Variants in CC2D1A observed in about 807,000 individuals in gnomAD.
The protein encoded by CC2D1A is coiled-coil and C2 domain containing 1A.
CC2D1A carries 68 observed loss-of-function variants against 123.8 expected under a neutral mutation model. The observed-to-expected ratio is 0.55, with a 90% CI of 0.45 to 0.67. The LOEUF is 0.67. Ranked by LOEUF, CC2D1A falls within the 30% of genes least tolerant of loss-of-function variation. CC2D1A has a pLI of 0.00. For missense variants in CC2D1A, 1,185 were observed against 1,290.3 expected (o/e 0.92, Z 1.25); for synonymous variants, 477 against 528.0 (o/e 0.90, Z 1.32).
intron 17 of CC2D1A, among the ~76,000 whole-genome samples, chr19:13,925,932 AAATATAT>A (rs1971579752): frequency 1.9e-5 from 2 of 103,328 alleles, no homozygotes; most frequent in Admixed American, 9.7e-5. Context: ...AAAAAAAAAA[AAATATAT>A]ATATATATAT....
intron 22 of CC2D1A, 123 bp downstream of exon 22, chr19:13,927,388 G>A: frequency 2.7e-6 from 2 of 747,158 alleles, no homozygotes; most frequent in South Asian, 1.6e-5. Context: ...TCCCCTCAGA[G>A]CCTCAGACCT....
At chr19:13,908,217 G>C (rs1209347086) in intron 1 of CC2D1A, among the ~76,000 whole-genome samples, 1 of 152,092 alleles carries the variant, frequency 6.6e-6, no homozygotes, top group Non-Finnish European at 1.5e-5. Context: ...TGTTGGTCAG[G>C]CTGGTCTGTC....
chr19:13,914,106 G>C (rs574964294), intron 6 of CC2D1A, among the ~76,000 whole-genome samples: 1 of 151,964 alleles, frequency 6.6e-6, no homozygotes, highest in African/African-American at 2.4e-5. Flanking sequence ...TTGAATTCCT[G>C]ACCTCAGGTG....
chr19:13,929,543 C>T lies in CC2D1A; in HGVS notation c.2593C>T (p.Leu865Phe), dbSNP rs1172376094. 4 of 1,611,690 alleles carry T rather than the reference C, an allele frequency of 2.5e-6. No homozygotes were observed. The highest frequency in any genetic ancestry group is 3.4e-6 in the Non-Finnish European group (4 of 1,179,772). The change falls in exon 26 of 29, where the codon CTC becomes TTC. Residue 865 changes from leucine to phenylalanine, a missense_variant. Physicochemically the swap from Leu to Phe is conservative, Grantham distance 22 (BLOSUM62 0). Coordinates refer to ENST00000318003, the MANE Select transcript of CC2D1A (RefSeq NM_017721.5). ...QERLERKILALRQARRPVPPE... is the reference protein window; with the variant it reads ...QERLERKILAFRQARRPVPPE... ...CCTCTGTATCCTCTAGATCCTGGCC[C>T]TCAGGCAGGCGCGGCGGCCGGTGCC... is the stretch of plus-strand genomic sequence containing the variant.
At chr19:13,919,548 G>T in intron 11 of CC2D1A, 1 of 375,412 alleles carries the variant, frequency 2.7e-6, no homozygotes, top group Non-Finnish European at 4.7e-6. Flanking sequence ...GACCAGCTTG[G>T]GCAACGTGGC....
In CC2D1A at chr19:13,927,172, C is replaced by T. The variant is rs1971673306; in HGVS notation, c.2226-3C>T. The T allele has an allele frequency of 6.2e-7, 1 of 1,613,810 alleles. No homozygotes were observed. The highest frequency in any genetic ancestry group is 1.7e-5 in the Admixed American group (1 of 60,016). ...TGTCCCCACTATACACACATGCACA[C>T]AGGGGGCTGTTCAAGACTGACCGGG... On this transcript the variant is annotated splice_region_variant and splice_polypyrimidine_tract_variant and intron_variant, in intron 21 of 28. Coordinates refer to ENST00000318003, the MANE Select transcript of CC2D1A (RefSeq NM_017721.5).
Position 13,919,220 on chromosome 19 carries a change from A to G in CC2D1A, c.1222+18A>G. 6.3e-7 allele frequency: 1 copy of G among 1,593,586 alleles called. No individual in the cohort carries two copies. Among genetic ancestry groups the G allele is most frequent in the Non-Finnish European group, 8.6e-7 (1 of 1,167,522 alleles). On this transcript the variant is annotated intron_variant, in intron 11 of 28. Transcript: ENST00000318003. Reference sequence around the variant, plus strand: ...GCCCCCAGGTAGGCCTTGCCCCTGTAGGCCTCGCCCCAGTAGGCCCCGCCC... The same window carrying G: ...GCCCCCAGGTAGGCCTTGCCCCTGTGGGCCTCGCCCCAGTAGGCCCCGCCC...
At chr19:13,921,086 C>T (rs527320121) in intron 14 of CC2D1A, among the ~76,000 whole-genome samples, 164 bp downstream of exon 14, 2 of 152,336 alleles carry the variant, frequency 1.3e-5, no homozygotes, top group South Asian at 2.1e-4. Flanking sequence ...TATTATGTTT[C>T]TTGCATGTAC....
At chr19:13,910,204 C>T (rs1001045977) in intron 2 of CC2D1A, among the ~76,000 whole-genome samples, 8 of 150,490 alleles carry the variant, frequency 5.3e-5, no homozygotes, top group Non-Finnish European at 7.4e-5. Context: ...TGAGACCATC[C>T]CGGCTAACAC....
rs574934350 is a variant in CC2D1A at position 13,913,090 on chromosome 19, G to T, written c.379-78G>T. 2.0e-5 allele frequency: 29 copies of T among 1,423,788 alleles called. 1 individual carries two copies. The Admixed American group carries it at 7.3e-4, about 36-fold the overall frequency. 88.2% of individuals were successfully genotyped at this position (1,423,788 alleles called of 1,614,324 possible). A position where few individuals can be genotyped will look rare whatever the true frequency, so the allele number is the denominator to read the frequency against. On this transcript the variant is annotated intron_variant, in intron 4 of 28. Transcript: ENST00000318003. ...GCTGGTCCAGGGATGACATGGGGCC[G>T]ACTGTTACTGCAGAAGGGGCTAACA... is the stretch of plus-strand genomic sequence containing the variant.
chr19:13,920,348 C>T, intron 12 of CC2D1A: 1 of 576,806 alleles, frequency 1.7e-6, no homozygotes. Flanking sequence ...GCACTCCAGC[C>T]TGGACGATAC....
chr19:13,913,552 C>T lies in CC2D1A; in HGVS notation c.662C>T (p.Ala221Val), dbSNP rs1169728912. ...PTQPAPRIAS[A>V]PEPRVTLEGP... The stretch of plus-strand genomic sequence containing the variant: ...CAGCCGGCCCCTAGAATCGCGTCAG[C>T]CCCAGAGCCCAGGGTCACCCTGGAG... Residue 221 changes from alanine (A) to valine (V), a missense_variant, in exon 6 of 29, where the codon GCC (alanine) becomes GTC (valine). Ala to Val is a moderately conservative substitution (Grantham distance 64). Transcript: ENST00000318003. 1 of 1,614,144 alleles carries T rather than the reference C, an allele frequency of 6.2e-7. No homozygotes were observed. Among genetic ancestry groups the T allele is most frequent in the African/African-American group, 1.3e-5 (1 of 75,062 alleles).
At chr19:13,910,300 C>CA (rs1568403499) in intron 2 of CC2D1A, among the ~76,000 whole-genome samples, 1 of 147,582 alleles carries the variant, frequency 6.8e-6, no homozygotes, top group Non-Finnish European at 1.5e-5. Context: ...CCCAGCTACT[C>CA]AGGAGGCTGA....
intron 26 of CC2D1A, among the ~76,000 whole-genome samples, 159 bp from the exon 27 acceptor site, chr19:13,929,919 A>T (rs1971826149): frequency 1.4e-5 from 1 of 69,554 alleles, no homozygotes; most frequent in Non-Finnish European, 2.7e-5. Flanking sequence ...GGGGATGGGC[A>T]CCTGGAGGGG....
intron 2 of CC2D1A, 40 bp from the exon 3 acceptor site, chr19:13,912,283 G>A: frequency 6.5e-7 from 1 of 1,546,826 alleles, no homozygotes. Context: ...GGCTCTTGGT[G>A]TACGACCCTG....
chr19:13,916,344 C>T (rs1479767288), intron 6 of CC2D1A, among the ~76,000 whole-genome samples: 1 of 152,004 alleles, frequency 6.6e-6, no homozygotes, highest in African/African-American at 2.4e-5. Context: ...GTGGGAGGAT[C>T]GCTTGAACCC....
At chr19:13,926,047 CGTATATATATGTATAT>C (rs1971623005) in intron 17 of CC2D1A, among the ~76,000 whole-genome samples, 1 of 61,080 alleles carries the variant, frequency 1.6e-5, no homozygotes, top group African/African-American at 7.9e-5. Context: ...TATATATACA[CGTATATATATGTATAT>C]ATACACACAC....
rs2145390635 is a variant in CC2D1A at position 13,930,540 on chromosome 19, C to T, written c.*145C>T. 2 of 916,904 alleles carry T rather than the reference C, an allele frequency of 2.2e-6. No homozygotes were observed. The highest frequency in any genetic ancestry group is 1.7e-5 in the African/African-American group (1 of 59,718). The allele number at this position is 916,904 out of a possible 1,614,324, so 56.8% of individuals were successfully genotyped here. A position where few individuals can be genotyped will look rare whatever the true frequency, so the allele number is the denominator to read the frequency against. On this transcript the variant is annotated 3_prime_UTR_variant, in exon 29 of 29. Coordinates refer to ENST00000318003, the MANE Select transcript of CC2D1A (RefSeq NM_017721.5). The surrounding 1 kb of genome is among the most constrained non-coding windows in gnomAD (Gnocchi z 6.8). ...CCCTCATCCGGGCCCCCAGCCCCGC[C>T]AGAGCCTCCGTGGCTGCGGGTGTTG...
At position 13,927,374 on chromosome 19, in the gene CC2D1A, C is replaced by T. The variant is rs1176067112; in HGVS notation, c.2316+109C>T. 6 of 888,150 alleles carry T rather than the reference C, an allele frequency of 6.8e-6. No homozygotes were observed. In the African/African-American group the frequency reaches 9.8e-5, roughly 15 times the overall value. 55.0% of individuals were successfully genotyped at this position (888,150 alleles called of 1,614,324 possible). ...TCTATGAGCCTGTCTGTTGACCCAG[C>T]CCCTCCCCTCAGAGCCTCAGACCTC... is the stretch of plus-strand genomic sequence containing the variant. On this transcript the variant is annotated intron_variant, in intron 22 of 28. Coordinates refer to ENST00000318003, the MANE Select transcript of CC2D1A (RefSeq NM_017721.5).
Sources: gnomAD v4.1 joint callset for allele counts (sites outside exome capture counted in the v4.1 genomes callset) on GRCh38, gnomAD v4.1.1 for gene constraint, Gnocchi (gnomAD v3.1) non-coding constraint, MANE v1.5 for transcripts, NCBI Gene and HGNC (gene_info 2026-07-23, HGNC 2026-07-21) for gene names.